NAALADL2: variants seen among roughly 807,000 people sequenced by gnomAD.
The protein encoded by NAALADL2 is inactive N-acetylated-alpha-linked acidic dipeptidase-like protein 2.
Under a neutral mutation model 87.2 loss-of-function variants are expected in NAALADL2, and 76 were observed. The ratio of observed to expected loss-of-function variants is 0.87; its 90% CI spans 0.72 to 1.05. The LOEUF is 1.05. Among genes scored for constraint, NAALADL2 ranks in the 50% least tolerant of loss-of-function variants. NAALADL2 has a pLI of 0.00. For synonymous variants in NAALADL2, 354 were observed against 331.0 expected (o/e 1.07, Z -0.75); for missense variants, 1,089 against 945.8 (o/e 1.15, Z -1.99).
chr3:174,751,662 C>CAAAAAA (rs35752458), intron 3 of NAALADL2, among the ~76,000 whole-genome samples: 19 of 128,392 alleles, frequency 1.5e-4, no homozygotes, highest in Non-Finnish European at 2.1e-4. Context: ...GACTTTGTCT[C>CAAAAAA]AAAAAAAAAA....
chr3:175,071,923 A>C (rs563507833), intron 1 of NAALADL2, among the ~76,000 whole-genome samples: 207 of 152,164 alleles, frequency 1.4e-3, no homozygotes, highest in African/African-American at 4.8e-3. Flanking sequence ...TTTTCATATC[A>C]ACTGCTGTTT....
At chr3:175,134,675 A>AG (rs1480647691) in intron 2 of NAALADL2, among the ~76,000 whole-genome samples, 1 of 151,336 alleles carries the variant, frequency 6.6e-6, no homozygotes, top group Non-Finnish European at 1.5e-5. Flanking sequence ...ACTAAGGGTG[A>AG]GGGTGGAACA....
chr3:175,682,489 A>G (rs1431909410), intron 11 of NAALADL2, among the ~76,000 whole-genome samples: 3 of 152,046 alleles, frequency 2.0e-5, no homozygotes. Context: ...TGAAGAAATA[A>G]TAAATATGAA....
At chr3:175,032,662 A>G (rs1343716691) in intron 1 of NAALADL2, among the ~76,000 whole-genome samples, 1 of 151,992 alleles carries the variant, frequency 6.6e-6, no homozygotes, top group Admixed American at 6.6e-5. Context: ...TCTTTCCTCA[A>G]AGTTCTTCTC....
intron 2 of NAALADL2, among the ~76,000 whole-genome samples, chr3:175,111,367 T>C (rs57434458): frequency 0.36 from 53,823 of 151,414 alleles, 9,856 homozygotes; most frequent in East Asian, 0.44. Flanking sequence ...CAGTGTTTAA[T>C]AGAGGTTACA....
chr3:175,364,068 G>T (rs1765306217), intron 5 of NAALADL2, among the ~76,000 whole-genome samples: 1 of 147,706 alleles, frequency 6.8e-6, no homozygotes, highest in Admixed American at 7.0e-5. Flanking sequence ...AAGTGGCTGT[G>T]TTAGTGAAGA....
At chr3:174,579,085 G>GT (rs1244366621) in intron 2 of NAALADL2, among the ~76,000 whole-genome samples, 1 of 151,912 alleles carries the variant, frequency 6.6e-6, no homozygotes, top group Non-Finnish European at 1.5e-5. Flanking sequence ...GAAATGAAGA[G>GT]TGACAACACC....
intron 1 of NAALADL2, among the ~76,000 whole-genome samples, chr3:174,508,773 C>T (rs545656232): frequency 1.3e-5 from 2 of 152,072 alleles, no homozygotes; most frequent in Non-Finnish European, 2.9e-5. Context: ...TCTGGCTGGG[C>T]GCAGTGGCTC....
At position 175,644,498 on chromosome 3, in the gene NAALADL2, T is replaced by G. The variant is rs1013494245; in HGVS notation, c.1896+17112T>G. Reference sequence around the variant, plus strand: ...TTTTTCAATCTAATTTATTGAGATTTCCATTCTTTCTCAATGGTTATGCAA... The same window carrying G: ...TTTTTCAATCTAATTTATTGAGATTGCCATTCTTTCTCAATGGTTATGCAA... On this transcript the variant is annotated intron_variant, in intron 11 of 13. Transcript: ENST00000454872. Among the ~76,000 whole-genome samples the G allele has an allele frequency of 3.9e-5, 6 of 152,170 alleles. 1 individual carries two copies. Among genetic ancestry groups the G allele is most frequent in the African/African-American group, 1.4e-4 (6 of 41,470 alleles).
rs528266090 is a variant in NAALADL2 at position 174,561,956 on chromosome 3, C to A, written c.-115+11319C>A. Among the ~76,000 whole-genome samples the A allele has an allele frequency of 1.1e-4, 17 of 152,220 alleles. No homozygotes were observed. The South Asian group carries it at 3.5e-3, about 32-fold the overall frequency. On this transcript the variant is annotated intron_variant, in intron 2 of 3. Coordinates refer to the NAALADL2 transcript ENST00000434257. Reference sequence around the variant, plus strand: ...TGTTCTTTGTCAATTCTGGAAAATTCTTCCATAATCCTATTTTCAAAATAT... The same window carrying A: ...TGTTCTTTGTCAATTCTGGAAAATTATTCCATAATCCTATTTTCAAAATAT...
chr3:175,597,023 G>A lies in NAALADL2; in HGVS notation c.1800+20836G>A, dbSNP rs147843441. Reference sequence around the variant, plus strand: ...ATGTAATATATGTAGAAGGGTTTAGGGTTTTGACAGTTTGAGATTGTATCC... The same window carrying A: ...ATGTAATATATGTAGAAGGGTTTAGAGTTTTGACAGTTTGAGATTGTATCC... On this transcript the variant is annotated intron_variant, in intron 10 of 13. Transcript: ENST00000454872. Among the ~76,000 whole-genome samples the A allele has an allele frequency of 1.9e-3, 284 of 152,012 alleles. 1 individual carries two copies. The highest frequency in any genetic ancestry group is 5.1e-3 in the African/African-American group (212 of 41,536).
chr3:175,300,349 G>A (rs57824525), intron 4 of NAALADL2, among the ~76,000 whole-genome samples: 14 of 152,056 alleles, frequency 9.2e-5, no homozygotes, highest in African/African-American at 3.4e-4. Context: ...GTTTGGAATA[G>A]TTTCAGAAGG....
chr3:174,754,466 CTTTTTTTTT>C (rs11285494), intron 3 of NAALADL2, among the ~76,000 whole-genome samples: 3 of 125,508 alleles, frequency 2.4e-5, no homozygotes, highest in Non-Finnish European at 5.1e-5. Flanking sequence ...ACAGAGCTAT[CTTTTTTTTT>C]TTTTTTTTTT....
At chr3:175,778,933 T>G (rs1750636175) in intron 13 of NAALADL2, among the ~76,000 whole-genome samples, 1 of 152,144 alleles carries the variant, frequency 6.6e-6, no homozygotes, top group African/African-American at 2.4e-5. Flanking sequence ...TATTTAGTAA[T>G]TTTTACATGT....
intron 4 of NAALADL2, among the ~76,000 whole-genome samples, chr3:175,268,523 C>T (rs900518023): frequency 6.6e-6 from 1 of 151,840 alleles, no homozygotes; most frequent in Non-Finnish European, 1.5e-5. Context: ...AAATATTTTT[C>T]TTTTTAATAA....
At chr3:175,394,331 G>A (rs1769487610) in intron 5 of NAALADL2, among the ~76,000 whole-genome samples, 1 of 152,146 alleles carries the variant, frequency 6.6e-6, no homozygotes, top group Non-Finnish European at 1.5e-5. Context: ...AGTTAACAAT[G>A]CATTGTATAT....
chr3:174,989,636 A>T (rs1221618337), intron 1 of NAALADL2, among the ~76,000 whole-genome samples: 1 of 152,184 alleles, frequency 6.6e-6, no homozygotes, highest in Non-Finnish European at 1.5e-5. Context: ...ATATGGACTA[A>T]AGGAAAGAAG....
At chr3:175,623,165 A>G (rs1385052828) in intron 10 of NAALADL2, among the ~76,000 whole-genome samples, 3 of 152,128 alleles carry the variant, frequency 2.0e-5, no homozygotes, top group Non-Finnish European at 4.4e-5. Context: ...AAATGCATAA[A>G]TCTTAATTTT....
At chr3:175,082,970 T>C (rs9823658) in intron 1 of NAALADL2, among the ~76,000 whole-genome samples, 35,214 of 152,152 alleles carry the variant, frequency 0.23, 4,199 homozygotes, top group East Asian at 0.33. Flanking sequence ...TTGGATTAAT[T>C]TTCTCACATA....
Sources: gnomAD v4.1 joint callset for allele counts (sites outside exome capture counted in the v4.1 genomes callset) on GRCh38, gnomAD v4.1.1 for gene constraint, MANE v1.5 for transcripts, NCBI Gene and HGNC (gene_info 2026-07-23, HGNC 2026-07-21) for gene names.